Variants in CACHD1 observed in about 807,000 individuals in gnomAD.
CACHD1 encodes cache domain containing 1.
A neutral mutation model predicts 138.7 loss-of-function variants in CACHD1; 71 were observed. That is an observed-to-expected ratio of 0.51 (90% CI 0.42 to 0.62). The LOEUF is 0.62. Among genes scored for constraint, CACHD1 ranks in the 20% least tolerant of loss-of-function variants. CACHD1 has a pLI of 0.00. For missense variants in CACHD1, 1,389 were observed against 1,625.3 expected (o/e 0.85, Z 2.50); for synonymous variants, 578 against 591.5 (o/e 0.98, Z 0.33).
intron 26 of CACHD1, among the ~76,000 whole-genome samples, chr1:64,682,978 C>T (rs916807493): frequency 6.6e-6 from 1 of 151,072 alleles, no homozygotes; most frequent in African/African-American, 2.4e-5. Context: ...TTTTTAAATA[C>T]ATAAATAGTG....
At chr1:64,656,360 T>C (rs566198282) in intron 12 of CACHD1, among the ~76,000 whole-genome samples, 1 of 152,224 alleles carries the variant, frequency 6.6e-6, no homozygotes, top group Non-Finnish European at 1.5e-5. Flanking sequence ...CATCTGCCCT[T>C]ATATTTATAT....
At chr1:64,575,393 C>T (rs369444258) in intron 2 of CACHD1, among the ~76,000 whole-genome samples, 11 of 152,290 alleles carry the variant, frequency 7.2e-5, no homozygotes, top group African/African-American at 2.4e-4. Context: ...ATATTTTCTA[C>T]GAAGAACTTC....
intron 13 of CACHD1, 130 bp downstream of exon 13, chr1:64,659,003 C>G: frequency 1.3e-6 from 1 of 769,712 alleles, no homozygotes; most frequent in Non-Finnish European, 1.9e-6. Context: ...TTTGGGGATA[C>G]AAATATGAAA....
At chr1:64,576,584 C>T (rs1416331036) in intron 2 of CACHD1, among the ~76,000 whole-genome samples, 1 of 152,008 alleles carries the variant, frequency 6.6e-6, no homozygotes, top group Non-Finnish European at 1.5e-5. Context: ...ACACAGGGAG[C>T]TCCTCTCAGG....
At chr1:64,565,225 C>G (rs1181719794) in intron 2 of CACHD1, among the ~76,000 whole-genome samples, 1 of 151,626 alleles carries the variant, frequency 6.6e-6, no homozygotes, top group East Asian at 1.9e-4. Context: ...TCATCTGTAC[C>G]CAGGGAATTT....
chr1:64,470,931 G>A lies in CACHD1; in HGVS notation c.187G>A (p.Val63Ile), dbSNP rs751828812. Residue 63 changes from valine to isoleucine, a missense_variant, in exon 1 of 27, where the codon GTC (valine) becomes ATC (isoleucine). This residue lies in a region of CACHD1 where 1,000 missense variants were observed against 1,114.7 expected (regional missense o/e 0.90). Transcript: ENST00000651257. This position sits in a 1 kb window ranked among gnomAD's most constrained non-coding sequence, Gnocchi z 5.2. ...GCTGGCGGCCGAGGAGCTGGGGGTC[G>A]TCACCATGCAGGTAAGTGGCCCCCG... Reference protein sequence around the residue: ...RRLAAEELGVVTMQRIFNSFV... With the variant: ...RRLAAEELGVITMQRIFNSFV... 2 of 1,602,542 alleles carry A rather than the reference G, an allele frequency of 1.2e-6. No homozygotes were observed. Among genetic ancestry groups the A allele is most frequent in the Non-Finnish European group, 1.7e-6 (2 of 1,174,200 alleles).
intron 1 of CACHD1, among the ~76,000 whole-genome samples, chr1:64,489,160 C>T (rs1179189824): frequency 6.6e-6 from 1 of 152,168 alleles, no homozygotes; most frequent in African/African-American, 2.4e-5. Context: ...AGACAGCCCA[C>T]GAGTGGCCTG....
At chr1:64,510,224 A>C (rs1173251919) in intron 1 of CACHD1, among the ~76,000 whole-genome samples, 1 of 152,196 alleles carries the variant, frequency 6.6e-6, no homozygotes, top group Non-Finnish European at 1.5e-5. Context: ...GAGTTGCTCC[A>C]ACAGCATTAA....
chr1:64,558,019 G>A (rs778460495), intron 2 of CACHD1, among the ~76,000 whole-genome samples: 1 of 151,732 alleles, frequency 6.6e-6, no homozygotes, highest in Non-Finnish European at 1.5e-5. Context: ...GGCTTTTCTC[G>A]AACTCCTGAC....
At chr1:64,543,028 T>C (rs1436829278) in intron 1 of CACHD1, among the ~76,000 whole-genome samples, 2 of 151,856 alleles carry the variant, frequency 1.3e-5, no homozygotes. Context: ...ATTAGAATAA[T>C]ATTTATATAT....
chr1:64,539,691 G>A (rs1570347319), intron 1 of CACHD1, among the ~76,000 whole-genome samples: 1 of 152,330 alleles, frequency 6.6e-6, no homozygotes, highest in East Asian at 1.9e-4. Flanking sequence ...ACCCTCTCTT[G>A]TATCTCTAGG....
intron 26 of CACHD1, 108 bp from the exon 27 acceptor site, chr1:64,691,215 T>C: frequency 3.3e-6 from 3 of 910,896 alleles, no homozygotes; most frequent in South Asian, 2.9e-5. Context: ...TTTGCACCTA[T>C]GTATTGCAAA....
chr1:64,565,338 G>A (rs1003060695), intron 2 of CACHD1, among the ~76,000 whole-genome samples: 11 of 152,004 alleles, frequency 7.2e-5, no homozygotes, highest in African/African-American at 2.7e-4. Flanking sequence ...TGAATGGAAG[G>A]CACTAAATCT....
chr1:64,632,256 G>GAAAAAAAAAA (rs55924104), intron 5 of CACHD1, among the ~76,000 whole-genome samples: 2 of 129,804 alleles, frequency 1.5e-5, no homozygotes, highest in South Asian at 2.5e-4. Context: ...GCTTTTTTCT[G>GAAAAAAAAAA]AAAAAAAAAA....
chr1:64,649,338 C>T (rs927131319), intron 9 of CACHD1, among the ~76,000 whole-genome samples: 3 of 152,156 alleles, frequency 2.0e-5, no homozygotes, highest in Non-Finnish European at 4.4e-5. Context: ...CAGTTGTGGG[C>T]CACCATCCCC....
At chr1:64,512,489 G>T (rs1055987501) in intron 1 of CACHD1, among the ~76,000 whole-genome samples, 5 of 150,076 alleles carry the variant, frequency 3.3e-5, no homozygotes, top group Admixed American at 3.3e-4. Flanking sequence ...ACTTCCTGCT[G>T]TTCCTCCTTT....
intron 3 of CACHD1, among the ~76,000 whole-genome samples, chr1:64,582,693 C>T (rs1489609074): frequency 2.0e-5 from 3 of 152,108 alleles, no homozygotes; most frequent in Non-Finnish European, 4.4e-5. Flanking sequence ...AATTCCCATT[C>T]CTTACTTTAG....
At chr1:64,654,964 G>T (rs758146151) in intron 12 of CACHD1, among the ~76,000 whole-genome samples, 161 bp downstream of exon 12, 2 of 152,138 alleles carry the variant, frequency 1.3e-5, no homozygotes, top group Non-Finnish European at 2.9e-5. Flanking sequence ...CATTCCACAG[G>T]TGTTGTATAA....
intron 11 of CACHD1, 79 bp downstream of exon 11, chr1:64,653,960 CAG>C: frequency 1.6e-6 from 2 of 1,239,380 alleles, no homozygotes; most frequent in Non-Finnish European, 2.3e-6. Flanking sequence ...GTATTTACTA[CAG>C]AGTATAAAAC....
Sources: allele counts gnomAD v4.1 joint callset (sites outside exome capture counted in the v4.1 genomes callset), GRCh38; gene constraint gnomAD v4.1.1; regional missense constraint gnomAD v4.1.1; non-coding constraint Gnocchi (gnomAD v3.1); transcripts MANE v1.5; gene names NCBI Gene and HGNC (gene_info 2026-07-23, HGNC 2026-07-21).